Variants in PARP10 observed in about 807,000 individuals in gnomAD.
PARP10 encodes the protein poly(ADP-ribose) polymerase family member 10.
PARP10 carries 56 observed loss-of-function variants against 82.4 expected under a neutral mutation model. The observed-to-expected ratio is 0.68, with a 90% CI of 0.55 to 0.85. The LOEUF (loss-of-function observed/expected upper bound fraction) is 0.85. Ranked by LOEUF, PARP10 falls within the 40% of genes least tolerant of loss-of-function variation. The pLI is 0.00. For missense variants in PARP10, 1,227 were observed against 1,379.4 expected, an observed-to-expected ratio of 0.89 and a Z score of 1.75; for synonymous variants, 576 against 601.1, an observed-to-expected ratio of 0.96 and a Z score of 0.61.
chr8:144,012,050 T>A (rs1487880547), intron 1 of PARP10, among the ~76,000 whole-genome samples: 1 of 152,220 alleles, frequency 6.6e-6, no homozygotes, highest in African/African-American at 2.4e-5. Flanking sequence ...CCAAGCCCTG[T>A]GCTGGACACT....
intron 1 of PARP10, among the ~76,000 whole-genome samples, chr8:144,002,879 C>T (rs557065499): frequency 9.1e-4 from 139 of 152,134 alleles, no homozygotes; most frequent in African/African-American, 3.1e-3. Context: ...GAGCTTGAGA[C>T]CTGCCTAGGG....
intron 9 of PARP10, among the ~76,000 whole-genome samples, chr8:143,982,523 G>A (rs1297105494): frequency 6.6e-6 from 1 of 152,236 alleles, no homozygotes; most frequent in Non-Finnish European, 1.5e-5. Flanking sequence ...ACCGCAGCGA[G>A]CCCGGGCCTT....
At chr8:144,004,504 C>CT (rs1834222245) in intron 1 of PARP10, among the ~76,000 whole-genome samples, 1 of 152,136 alleles carries the variant, frequency 6.6e-6, no homozygotes, top group Non-Finnish European at 1.5e-5. Context: ...TGAAGTAGCC[C>CT]CACCTCCCGG....
intron 9 of PARP10, among the ~76,000 whole-genome samples, chr8:143,980,651 C>T (rs1833830153): frequency 6.6e-6 from 1 of 151,956 alleles, no homozygotes; most frequent in East Asian, 1.9e-4. Flanking sequence ...TCCCACTAAA[C>T]AAAAGAGTCT....
chr8:143,992,178 A>AGGCAGGGGCC, upstream of PARP10: 2 of 1,601,468 alleles, frequency 1.2e-6, no homozygotes, highest in Non-Finnish European at 1.7e-6. Context: ...TGTGCTCATG[A>AGGCAGGGGCC]GGCAGGGGCC....
upstream of PARP10, chr8:143,992,223 A>C (rs1554750657): frequency 1.2e-6 from 2 of 1,603,446 alleles, no homozygotes; most frequent in South Asian, 2.2e-5. Context: ...ACCCAAGGTC[A>C]GCCTGTGTCT....
intron 1 of PARP10, among the ~76,000 whole-genome samples, chr8:143,996,726 T>C (rs114353768): frequency 0.031 from 4,718 of 152,220 alleles, 271 homozygotes; most frequent in African/African-American, 0.11. Flanking sequence ...CGTCAGCATC[T>C]GAGGAGTGCA....
In PARP10 at chr8:143,983,684, C is replaced by T. The variant is rs76806097; in HGVS notation, c.1905G>A (p.Glu635=). ...TGCTGGGGGCCACAGGCTCCTCCTC[C>T]TCATGCCCTGGGGTCACCTCCTCCT... is the stretch of plus-strand genomic sequence containing the variant. ...QPEEEVTPGH[E]EEEPVAPSTV... The change falls in exon 8 of 11, where the codon GAG becomes GAA. Residue 635 remains glutamate, a synonymous_variant. Transcript: ENST00000313028. 0.041 allele frequency: 65,204 copies of T among 1,609,414 alleles called. 1,482 individuals carry two copies. Among genetic ancestry groups the T allele is most frequent in the Non-Finnish European group, 0.045 (52,993 of 1,177,648 alleles).
At position 143,985,937 on chromosome 8, in the gene PARP10, G is replaced by T. The variant is rs1554749243; in HGVS notation, c.220C>A (p.His74Asn). The change falls in exon 3 of 11, where the codon CAT becomes AAT. Residue 74 changes from histidine (H) to asparagine (N), a missense_variant. Coordinates refer to ENST00000313028, the MANE Select transcript of PARP10 (RefSeq NM_032789.5). The stretch of plus-strand genomic sequence containing the variant: ...GGCCGCAGGCTCAGCTGGGCACCAT[G>T]TAGTTCGTGATCTGCCTGGGCCAAG... ...RVLAQADHEL[H>N]GAQLSLRPAP... The T allele has an allele frequency of 4.4e-6, 7 of 1,580,778 alleles. No individual in the cohort carries two copies. Among genetic ancestry groups the T allele is most frequent in the South Asian group, 2.3e-5 (2 of 87,454 alleles).
In PARP10 at chr8:143,977,609, G is replaced by T. The variant is rs782340559; in HGVS notation, c.2953C>A (p.Pro985Thr). Residue 985 changes from proline to threonine, a missense_variant, in exon 11 of 11, where the codon CCC becomes ACC. Pro to Thr is a conservative substitution (Grantham distance 38). Transcript: ENST00000313028. Reference protein sequence around the residue: ...YDSAVDCICQPSIFVIFHDTQ... With the variant: ...YDSAVDCICQTSIFVIFHDTQ... ...TCGTGGAAGATGACGAAGATGCTGG[G>T]CTGGCAGATGCAGTCCACGGCGCTG... The T allele has an allele frequency of 3.7e-5, 59 of 1,587,958 alleles. No individual in the cohort carries two copies. The highest frequency in any genetic ancestry group is 8.8e-5 in the Admixed American group (5 of 56,676).
At position 144,011,645 on chromosome 8, in the gene PARP10, G is replaced by C. The variant is rs1172212798; in HGVS notation, c.-80+885C>G. Among the ~76,000 whole-genome samples the C allele has an allele frequency of 6.6e-6, 1 of 152,152 alleles. No homozygotes were observed. The highest frequency in any genetic ancestry group is 1.5e-5 in the Non-Finnish European group (1 of 68,018). On this transcript the variant is annotated intron_variant, in intron 1 of 3. Coordinates refer to the PARP10 transcript ENST00000530478. This position sits in a 1 kb window ranked among gnomAD's most constrained non-coding sequence, Gnocchi z 4.5. ...CTCTAAGAGAAGGGGAGCATCATGA[G>C]GACTGAGTCCTGAGTTCTTAGAACC...
upstream of PARP10, chr8:143,991,274 C>A: frequency 6.5e-7 from 1 of 1,541,710 alleles, no homozygotes; most frequent in Non-Finnish European, 8.8e-7. Context: ...ATCCTCCCCC[C>A]AACCCTGGAT....
At position 143,983,526 on chromosome 8, in the gene PARP10, A is replaced by G. The variant is rs1249173760; in HGVS notation, c.2063T>C (p.Leu688Pro). The G allele has an allele frequency of 2.5e-6, 4 of 1,606,002 alleles. No homozygotes were observed. Among genetic ancestry groups the G allele is most frequent in the Non-Finnish European group, 3.4e-6 (4 of 1,176,674 alleles). Residue 688 changes from leucine to proline, a missense_variant, in exon 8 of 11, where the codon CTG (leucine) becomes CCG (proline). Physicochemically the swap from Leu to Pro is moderately conservative, Grantham distance 98. Coordinates refer to ENST00000313028, the MANE Select transcript of PARP10 (RefSeq NM_032789.5). ...TTCTGCCTCCAACGGGGGCTGCTCC[A>G]GCAGGGAGAGGGTTAGGGCTTGCCG... ...ALRQALTLSL[L>P]EQPPLEAEEP...
chr8:143,993,108 T>G, upstream of PARP10: 1 of 446,458 alleles, frequency 2.2e-6, no homozygotes, highest in East Asian at 4.3e-5. Context: ...CTACTCATTG[T>G]TGCATGAGCC....
intron 1 of PARP10, among the ~76,000 whole-genome samples, chr8:144,005,482 G>T (rs1346229289): frequency 6.6e-6 from 1 of 152,128 alleles, no homozygotes; most frequent in African/African-American, 2.4e-5. Flanking sequence ...ATAATCGTAT[G>T]AACTGGTTGT....
chr8:143,982,480 G>T (rs1564249551), intron 9 of PARP10, among the ~76,000 whole-genome samples: 1 of 152,176 alleles, frequency 6.6e-6, no homozygotes, highest in Non-Finnish European at 1.5e-5. Flanking sequence ...TCTCAAAAAA[G>T]AGAGTGCCCC....
At chr8:143,980,319 CAA>C (rs564801582) in intron 9 of PARP10, among the ~76,000 whole-genome samples, 573 of 15,760 alleles carry the variant, frequency 0.036, no homozygotes, top group Non-Finnish European at 0.069. Context: ...GATTCCGTCT[CAA>C]AAAAAAAAAA....
rs965676181 is a variant in PARP10, at chr8:144,008,095, G to A, written c.-80+4435C>T. 5.3e-5 allele frequency among the ~76,000 whole-genome samples: 8 copies of A among 152,154 alleles called. No individual in the cohort carries two copies. The highest frequency in any genetic ancestry group is 1.2e-4 in the Non-Finnish European group (8 of 68,042). On this transcript the variant is annotated intron_variant, in intron 1 of 3. Coordinates refer to the PARP10 transcript ENST00000530478. This position sits in a 1 kb window ranked among gnomAD's most constrained non-coding sequence, Gnocchi z 4.0. ...GACAACTACCTCCCGGCAGCTCCTC[G>A]TCAGCAACAGGCAGACCCGGAGGTT... is the stretch of plus-strand genomic sequence containing the variant.
chr8:143,977,173 C>T lies in PARP10; in HGVS notation c.*311G>A. Reference sequence around the variant, plus strand: ...GCAGTCAGAGTTCCCGGGTCCCTTCCGCCTGGGTTCACGTTCACGTTTATT... The same window carrying T: ...GCAGTCAGAGTTCCCGGGTCCCTTCTGCCTGGGTTCACGTTCACGTTTATT... On this transcript the variant is annotated 3_prime_UTR_variant, in exon 11 of 11. Coordinates refer to ENST00000313028, the MANE Select transcript of PARP10 (RefSeq NM_032789.5). 2.7e-6 allele frequency: 1 copy of T among 373,790 alleles called. No individual in the cohort carries two copies. Among genetic ancestry groups the T allele is most frequent in the East Asian group, 4.7e-5 (1 of 21,404 alleles). 23.2% of individuals were successfully genotyped at this position (373,790 alleles called of 1,614,324 possible).
Sources: gnomAD v4.1 joint callset for allele counts (sites outside exome capture counted in the v4.1 genomes callset) on GRCh38, gnomAD v4.1.1 for gene constraint, Gnocchi (gnomAD v3.1) non-coding constraint, MANE v1.5 for transcripts, NCBI Gene and HGNC (gene_info 2026-07-23, HGNC 2026-07-21) for gene names.